The following FBXL2 variants were observed in gnomAD, a reference collection of about 807,000 sequenced individuals.
The protein encoded by FBXL2 is F-box and leucine rich repeat protein 2.
FBXL2 carries 38 observed loss-of-function variants against 69.2 expected under a neutral mutation model. The ratio of observed to expected loss-of-function variants is 0.55; its 90% CI spans 0.42 to 0.72. The LOEUF is 0.72. FBXL2 is among the 30% of genes least tolerant of loss of function. FBXL2 has a pLI of 0.00. For synonymous variants in FBXL2, 192 were observed against 201.3 expected (o/e 0.95, Z 0.39); for missense variants, 354 against 520.3 (o/e 0.68, Z 3.11).
chr3:33,375,502 G>C, intron 10 of FBXL2, 84 bp downstream of exon 10: 1 of 1,502,814 alleles, frequency 6.7e-7, no homozygotes, highest in Non-Finnish European at 9.1e-7. Flanking sequence ...GGACAGGCTT[G>C]CCAGGTAGTG....
intron 1 of FBXL2, among the ~76,000 whole-genome samples, chr3:33,286,456 A>C (rs565730127): frequency 1.3e-5 from 2 of 152,096 alleles, no homozygotes; most frequent in African/African-American, 4.8e-5. Flanking sequence ...CTACTGGGAG[A>C]TGTCTCCCAG....
At chr3:33,366,242 T>TA (rs761123474) in intron 5 of FBXL2, among the ~76,000 whole-genome samples, 50 of 152,348 alleles carry the variant, frequency 3.3e-4, no homozygotes, top group Non-Finnish European at 6.0e-4. Flanking sequence ...ACAATTTTGT[T>TA]AAAAAATTTT....
chr3:33,396,079 T>C, intron 12 of FBXL2: 1 of 1,295,710 alleles, frequency 7.7e-7, no homozygotes, highest in Non-Finnish European at 1.1e-6. Flanking sequence ...GCAAGAGTTC[T>C]CCAAAGCCTG....
At chr3:33,363,531 C>G (rs2041767967) in intron 4 of FBXL2, among the ~76,000 whole-genome samples, 2 of 152,172 alleles carry the variant, frequency 1.3e-5, no homozygotes, top group Admixed American at 6.5e-5. Flanking sequence ...TTTCTGTATT[C>G]CTTTGCCTTC....
chr3:33,390,291 G>T, downstream of FBXL2: 1 of 1,591,396 alleles, frequency 6.3e-7, no homozygotes. Context: ...TTTTAAGCGT[G>T]ACTATTTGGT....
chr3:33,331,826 G>T (rs1172828051), intron 2 of FBXL2, among the ~76,000 whole-genome samples: 2 of 152,094 alleles, frequency 1.3e-5, no homozygotes, highest in African/African-American at 4.8e-5. Flanking sequence ...AAGGGAATTA[G>T]AAAGCTGAAA....
chr3:33,408,321 A>G (rs1172407152), downstream of FBXL2, among the ~76,000 whole-genome samples: 1 of 152,166 alleles, frequency 6.6e-6, no homozygotes, highest in African/African-American at 2.4e-5. Flanking sequence ...AATAATAGCT[A>G]ATTTACTAAA....
chr3:33,400,290 C>T, intron 12 of FBXL2: 1 of 1,586,240 alleles, frequency 6.3e-7, no homozygotes. Flanking sequence ...TTGCTATTAA[C>T]AATGAAAATG....
chr3:33,298,003 T>C (rs2035900867), intron 2 of FBXL2: 1 of 429,150 alleles, frequency 2.3e-6, no homozygotes, highest in Non-Finnish European at 4.3e-6. Flanking sequence ...CATTGTTTTG[T>C]TTTCAGTAGA....
At chr3:33,355,946 A>G (rs554855602) in intron 2 of FBXL2, among the ~76,000 whole-genome samples, 63 of 152,324 alleles carry the variant, frequency 4.1e-4, no homozygotes, top group African/African-American at 1.5e-3. Flanking sequence ...TGCCACGCCT[A>G]TTTGTGCAAA....
In FBXL2 at chr3:33,402,994, G is replaced by A. The variant is rs1410035705; in HGVS notation, n.1215-240G>A. On this transcript the variant is annotated intron_variant and non_coding_transcript_variant, in intron 12 of 12. Coordinates refer to the FBXL2 transcript ENST00000463736. Reference sequence around the variant, plus strand: ...TAATTCACTCACTAACCAAATGCAAGATTATAAAATGCGAGACAGCTGACA... The same window carrying A: ...TAATTCACTCACTAACCAAATGCAAAATTATAAAATGCGAGACAGCTGACA... 9.6e-6 allele frequency: 11 copies of A among 1,140,390 alleles called. No homozygotes were observed. In the East Asian group the frequency reaches 2.9e-4, roughly 30 times the overall value. The allele number at this position is 1,140,390 out of a possible 1,614,324, so 70.6% of individuals were successfully genotyped here.
At chr3:33,418,860 CA>C in the FBXL2 span, among the ~76,000 whole-genome samples, 18,592 of 77,116 alleles carry the variant, frequency 0.24, 1,129 homozygotes, top group East Asian at 0.4. Context: ...ACTCTGTCTC[CA>C]AAAAAAAAAA....
intron 13 of FBXL2, among the ~76,000 whole-genome samples, chr3:33,381,542 T>TG (rs2043061670): frequency 6.6e-6 from 1 of 151,948 alleles, no homozygotes; most frequent in African/African-American, 2.4e-5. Context: ...GAGAACCGCT[T>TG]GAACCTGGGA....
intron 2 of FBXL2, among the ~76,000 whole-genome samples, chr3:33,349,308 C>G (rs2154035540): frequency 6.6e-6 from 1 of 152,068 alleles, no homozygotes; most frequent in East Asian, 1.9e-4. Context: ...GGGTTTTATC[C>G]TGAAGTTAGG....
rs2043499656 is a variant in FBXL2 at position 33,387,175 on chromosome 3, A to G, written c.*1567A>G. Reference sequence around the variant, plus strand: ...TGGATACCATAGCAGTTAGTTAAATATACATTTATACCCACTGTTTGTTGT... The same window carrying G: ...TGGATACCATAGCAGTTAGTTAAATGTACATTTATACCCACTGTTTGTTGT... On this transcript the variant is annotated 3_prime_UTR_variant, in exon 15 of 15. Transcript: ENST00000484457. 6.6e-6 allele frequency: 1 copy of G among 152,196 alleles called. No homozygotes were observed. The highest frequency in any genetic ancestry group is 1.5e-5 in the Non-Finnish European group (1 of 68,034). 9.4% of individuals were successfully genotyped at this position (152,196 alleles called of 1,614,324 possible).
chr3:33,377,242 GT>G, intron 10 of FBXL2, 30 bp from the exon 11 acceptor site: 1 of 1,605,070 alleles, frequency 6.2e-7, no homozygotes, highest in Non-Finnish European at 8.5e-7. Flanking sequence ...AGTTGGTACC[GT>G]TTTCTCCCCT....
At position 33,317,465 on chromosome 3, in the gene FBXL2, C is replaced by T. The variant is rs915792052; in HGVS notation, c.65+19740C>T. ...ACTCTCCCTCAACTACTGTCTCTCA[C>T]CCCATATTCAGGAGCAGGGACAGGA... On this transcript the variant is annotated intron_variant, in intron 2 of 14. Coordinates refer to ENST00000484457, the MANE Select transcript of FBXL2 (RefSeq NM_012157.5). 8.8e-6 allele frequency: 4 copies of T among 456,554 alleles called. No individual in the cohort carries two copies. In the Admixed American group the frequency reaches 9.4e-5, roughly 11 times the overall value. The allele number at this position is 456,554 out of a possible 1,614,324, so 28.3% of individuals were successfully genotyped here. A position where few individuals can be genotyped will look rare whatever the true frequency, so the allele number is the denominator to read the frequency against.
At chr3:33,293,315 A>G (rs537401009) in intron 1 of FBXL2, among the ~76,000 whole-genome samples, 15 of 152,308 alleles carry the variant, frequency 9.8e-5, no homozygotes, top group African/African-American at 3.6e-4. Context: ...CACTATCCGT[A>G]TTTTGCTGAA....
intron 12 of FBXL2, chr3:33,397,206 T>C: frequency 8.5e-7 from 1 of 1,169,922 alleles, no homozygotes; most frequent in East Asian, 2.4e-5. Context: ...GGCATCTGTC[T>C]TCATGCAGTC....
Sources: allele counts gnomAD v4.1 joint callset (sites outside exome capture counted in the v4.1 genomes callset), GRCh38; gene constraint gnomAD v4.1.1; transcripts MANE v1.5; gene names NCBI Gene and HGNC (gene_info 2026-07-23, HGNC 2026-07-21).